The following PRKN variants were observed in gnomAD, a reference collection of about 807,000 sequenced individuals.
PRKN encodes the protein parkin RBR E3 ubiquitin protein ligase.
PRKN carries 56 observed loss-of-function variants against 59.5 expected under a neutral mutation model. That is an observed-to-expected ratio of 0.94 (90% CI 0.76 to 1.18). The LOEUF (loss-of-function observed/expected upper bound fraction) is 1.18. PRKN is among the 50% of genes most tolerant of loss of function. The pLI is 0.00. For missense variants in PRKN, 657 were observed against 596.4 expected (o/e 1.10, Z -1.06); for synonymous variants, 250 against 222.1 (o/e 1.13, Z -1.12).
chr6:162,695,989 A>T lies in PRKN; in HGVS notation c.7+31673T>A, dbSNP rs190922428. Among the ~76,000 whole-genome samples, 12 of 152,280 alleles carry T rather than the reference A, an allele frequency of 7.9e-5. No homozygotes were observed. The East Asian group carries it at 2.1e-3, about 27-fold the overall frequency. On this transcript the variant is annotated intron_variant, in intron 1 of 11. Transcript: ENST00000366898. ...CACTGCTTGTACAATGGGAACGCAC[A>T]CAATGTACAGCTGCTCTGAAAAGTA...
chr6:162,657,082 C>T (rs1778671763), intron 1 of PRKN, among the ~76,000 whole-genome samples: 1 of 152,146 alleles, frequency 6.6e-6, no homozygotes, highest in East Asian at 1.9e-4. Flanking sequence ...TGGGCTTGTT[C>T]ATATTATATG....
chr6:161,898,639 T>C (rs535352064), intron 6 of PRKN, among the ~76,000 whole-genome samples: 2 of 152,194 alleles, frequency 1.3e-5, no homozygotes, highest in Non-Finnish European at 2.9e-5. Flanking sequence ...CAGTGGAATG[T>C]CATTTTGGTA....
At chr6:161,713,314 G>A (rs1257900815) in intron 7 of PRKN, among the ~76,000 whole-genome samples, 1 of 152,082 alleles carries the variant, frequency 6.6e-6, no homozygotes, top group African/African-American at 2.4e-5. Flanking sequence ...AAATCTTGTT[G>A]TTCAAGAGTT....
chr6:162,604,411 G>GGC (rs1227802903), intron 1 of PRKN, among the ~76,000 whole-genome samples: 20 of 152,192 alleles, frequency 1.3e-4, no homozygotes, highest in African/African-American at 4.8e-4. Context: ...TGCCTTCCAG[G>GGC]GCTAAGACAG....
chr6:162,481,590 A>G (rs1260027114), intron 1 of PRKN, among the ~76,000 whole-genome samples: 1 of 152,224 alleles, frequency 6.6e-6, no homozygotes, highest in Non-Finnish European at 1.5e-5. Flanking sequence ...GGGATGCAAA[A>G]GGGAACATTA....
chr6:161,356,222 C>G lies in PRKN; in HGVS notation c.1285+3866G>C, dbSNP rs546117090. Reference sequence around the variant, plus strand: ...AGAGGGAATGGCAGTGCCTCCCCCTCGAGAGATGGGATGGTGTTGACAGTG... The same window carrying G: ...AGAGGGAATGGCAGTGCCTCCCCCTGGAGAGATGGGATGGTGTTGACAGTG... On this transcript the variant is annotated intron_variant, in intron 11 of 11. Transcript: ENST00000366898. The surrounding 1 kb of genome is among the most constrained non-coding windows in gnomAD (Gnocchi z 7.8). Among the ~76,000 whole-genome samples the G allele has an allele frequency of 1.3e-5, 2 of 152,168 alleles. No homozygotes were observed. Among genetic ancestry groups the G allele is most frequent in the Admixed American group, 1.3e-4 (2 of 15,284 alleles).
At chr6:162,151,768 G>A (rs59052032) in intron 4 of PRKN, among the ~76,000 whole-genome samples, 1 of 151,988 alleles carries the variant, frequency 6.6e-6, no homozygotes, top group Admixed American at 6.6e-5. Context: ...AAGTTATAAA[G>A]ATAAAAATAT....
intron 6 of PRKN, among the ~76,000 whole-genome samples, chr6:161,792,371 T>G (rs1174861446): frequency 1.3e-5 from 2 of 152,154 alleles, no homozygotes; most frequent in African/African-American, 2.4e-5. Flanking sequence ...TTCCAGTGCA[T>G]AAAGATGCAG....
intron 7 of PRKN, among the ~76,000 whole-genome samples, chr6:161,640,183 C>T (rs2128158106): frequency 6.6e-6 from 1 of 152,340 alleles, no homozygotes; most frequent in South Asian, 2.1e-4. Flanking sequence ...TTTCCTCATT[C>T]ATATGAAAAT....
chr6:162,377,195 C>T (rs186089099), intron 2 of PRKN, among the ~76,000 whole-genome samples: 56 of 152,238 alleles, frequency 3.7e-4, no homozygotes, highest in African/African-American at 6.7e-4. Flanking sequence ...ATTTCTGCTC[C>T]GAGTAACTTG....
At chr6:161,913,643 T>C (rs76199397) in intron 6 of PRKN, among the ~76,000 whole-genome samples, 2 of 152,226 alleles carry the variant, frequency 1.3e-5, no homozygotes, top group Admixed American at 1.3e-4. Flanking sequence ...TATTTATTCA[T>C]TGACCCAGCA....
At chr6:161,532,313 G>A (rs1779254280) in intron 9 of PRKN, among the ~76,000 whole-genome samples, 1 of 151,874 alleles carries the variant, frequency 6.6e-6, no homozygotes, top group East Asian at 1.9e-4. Context: ...GTTCACTTAA[G>A]CAAAAAAATA....
At chr6:162,335,522 C>T (rs559226606) in intron 2 of PRKN, among the ~76,000 whole-genome samples, 1 of 152,248 alleles carries the variant, frequency 6.6e-6, no homozygotes, top group South Asian at 2.1e-4. Context: ...GTGCCTGTAA[C>T]AATACCAGAG....
At chr6:162,637,028 G>A (rs1462942072) in intron 1 of PRKN, among the ~76,000 whole-genome samples, 3 of 151,872 alleles carry the variant, frequency 2.0e-5, no homozygotes, top group Admixed American at 6.6e-5. Context: ...AGGCTGAGGC[G>A]GGCAGATCAC....
At chr6:162,151,968 A>G (rs1693469922) in intron 4 of PRKN, among the ~76,000 whole-genome samples, 2 of 152,220 alleles carry the variant, frequency 1.3e-5, no homozygotes, top group South Asian at 4.1e-4. Context: ...AAAAAATCAA[A>G]TAATTATAAT....
chr6:161,955,112 G>C (rs1315367317), intron 6 of PRKN, among the ~76,000 whole-genome samples: 3 of 152,174 alleles, frequency 2.0e-5, no homozygotes, highest in Non-Finnish European at 4.4e-5. Flanking sequence ...TCCTGGGTCA[G>C]CCCCACCTCT....
chr6:161,535,814 C>T (rs747418380), intron 9 of PRKN, among the ~76,000 whole-genome samples: 40 of 152,242 alleles, frequency 2.6e-4, no homozygotes, highest in Admixed American at 5.2e-4. Flanking sequence ...ATCCCAGCTC[C>T]AGACATTTTA....
rs1779244091 is a variant in PRKN, at chr6:162,726,991, G to A, written c.7+671C>T. ...TCGTTCACAAACTTGCACCTCGGTC[G>A]TTCTTTTACAAAAAAAAAAAAGAAA... On this transcript the variant is annotated intron_variant, in intron 1 of 11. Transcript: ENST00000366898. 3 of 93,658 alleles carry A rather than the reference G, an allele frequency of 3.2e-5. 1 individual carries two copies. In the South Asian group the frequency reaches 9.7e-4, roughly 30 times the overall value. The allele number at this position is 93,658 out of a possible 1,614,324, so 5.8% of individuals were successfully genotyped here. A position where few individuals can be genotyped will look rare whatever the true frequency, so the allele number is the denominator to read the frequency against.
chr6:162,060,893 A>C (rs1189618220), intron 4 of PRKN, among the ~76,000 whole-genome samples: 1 of 152,252 alleles, frequency 6.6e-6, no homozygotes, highest in Non-Finnish European at 1.5e-5. Flanking sequence ...AAGGATTTCA[A>C]ATATTCTCTT....
Sources: allele counts gnomAD v4.1 joint callset (sites outside exome capture counted in the v4.1 genomes callset), GRCh38; gene constraint gnomAD v4.1.1; non-coding constraint Gnocchi (gnomAD v3.1); transcripts MANE v1.5; gene names NCBI Gene and HGNC (gene_info 2026-07-23, HGNC 2026-07-21).